Variants in SLCO6A1 observed in about 807,000 individuals in gnomAD.
SLCO6A1 encodes the protein solute carrier organic anion transporter family member 6A1, also known as cancer/testis antigen 48.
A neutral mutation model predicts 72.7 loss-of-function variants in SLCO6A1; 65 were observed. That is an observed-to-expected ratio of 0.89 (90% CI 0.73 to 1.10). SLCO6A1 has a LOEUF of 1.10. SLCO6A1 is among the 50% of genes least tolerant of loss of function. SLCO6A1 has a pLI of 0.00. For missense variants in SLCO6A1, 874 were observed against 872.6 expected (o/e 1.00, Z -0.02); for synonymous variants, 314 against 298.2 (o/e 1.05, Z -0.55).
intron 10 of SLCO6A1, among the ~76,000 whole-genome samples, chr5:102,397,873 CTG>C (rs902247406): frequency 2.0e-5 from 3 of 151,956 alleles, no homozygotes; most frequent in Non-Finnish European, 4.4e-5. Flanking sequence ...TAGTGTGTGT[CTG>C]TGTGTGTGTT....
intron 6 of SLCO6A1, among the ~76,000 whole-genome samples, chr5:102,453,802 C>T (rs1279329056): frequency 1.3e-5 from 2 of 152,286 alleles, no homozygotes; most frequent in Non-Finnish European, 2.9e-5. Context: ...AGGGGTTTTA[C>T]TTAAATATCT....
intron 6 of SLCO6A1, among the ~76,000 whole-genome samples, chr5:102,453,275 C>T (rs1242148628): frequency 6.6e-6 from 1 of 151,196 alleles, no homozygotes; most frequent in South Asian, 2.1e-4. Flanking sequence ...GAGACTGAGG[C>T]TGCAGTGAGC....
intron 6 of SLCO6A1, among the ~76,000 whole-genome samples, chr5:102,448,687 C>T (rs573872219): frequency 6.6e-6 from 1 of 152,280 alleles, no homozygotes; most frequent in African/African-American, 2.4e-5. Context: ...ATAAGAATAG[C>T]AATCCCTGCT....
chr5:102,407,509 C>T (rs1360766858), intron 9 of SLCO6A1, among the ~76,000 whole-genome samples: 1 of 152,144 alleles, frequency 6.6e-6, no homozygotes, highest in Non-Finnish European at 1.5e-5. Flanking sequence ...CGGGCTAAGC[C>T]CCAATATTGG....
At chr5:102,436,722 C>G (rs865936369) in intron 7 of SLCO6A1, among the ~76,000 whole-genome samples, 3 of 152,124 alleles carry the variant, frequency 2.0e-5, no homozygotes, top group Admixed American at 6.6e-5. Flanking sequence ...TTCAGAAACA[C>G]CTGCTGTTGT....
intron 12 of SLCO6A1, among the ~76,000 whole-genome samples, 176 bp downstream of exon 12, chr5:102,388,511 AT>A (rs1462128520): frequency 6.6e-6 from 1 of 151,790 alleles, no homozygotes; most frequent in African/African-American, 2.4e-5. Context: ...CTATTTTTTT[AT>A]TTTTTAAAAT....
At chr5:102,468,207 G>A (rs1009322938) in intron 4 of SLCO6A1, among the ~76,000 whole-genome samples, 10 of 151,958 alleles carry the variant, frequency 6.6e-5, no homozygotes, top group Non-Finnish European at 1.3e-4. Context: ...TACTTGATAT[G>A]CTTTCCATTG....
At chr5:102,473,537 CA>C (rs1178871947) in intron 4 of SLCO6A1, among the ~76,000 whole-genome samples, 2 of 151,866 alleles carry the variant, frequency 1.3e-5, no homozygotes, top group Non-Finnish European at 2.9e-5. Context: ...TGAAAACCAG[CA>C]AGTTTTCTAA....
intron 10 of SLCO6A1, among the ~76,000 whole-genome samples, chr5:102,395,386 C>T (rs1221562488): frequency 2.0e-5 from 3 of 152,112 alleles, no homozygotes; most frequent in Non-Finnish European, 2.9e-5. Flanking sequence ...TTTTTTATGG[C>T]TGCATAGTAT....
intron 7 of SLCO6A1, among the ~76,000 whole-genome samples, chr5:102,435,826 G>T (rs891506563): frequency 1.2e-4 from 18 of 149,756 alleles, no homozygotes; most frequent in African/African-American, 4.2e-4. Flanking sequence ...GGTGAGCCTA[G>T]ATTACATCAT....
At chr5:102,459,905 T>C (rs1750937402) in intron 4 of SLCO6A1, 128 bp from the exon 5 acceptor site, 1 of 713,004 alleles carries the variant, frequency 1.4e-6, no homozygotes, top group Non-Finnish European at 2.1e-6. Context: ...GAAATGGAAC[T>C]TTTTTTGTTA....
At chr5:102,452,514 T>C (rs1348995227) in intron 6 of SLCO6A1, among the ~76,000 whole-genome samples, 1 of 152,184 alleles carries the variant, frequency 6.6e-6, no homozygotes, top group Non-Finnish European at 1.5e-5. Flanking sequence ...ATATTATAAC[T>C]GCATAAAAAT....
intron 1 of SLCO6A1, among the ~76,000 whole-genome samples, chr5:102,490,145 G>A (rs1448948740): frequency 1.3e-5 from 2 of 152,130 alleles, no homozygotes; most frequent in African/African-American, 2.4e-5. Flanking sequence ...CAGTTAGATA[G>A]GAGATATCAA....
chr5:102,484,141 T>G (rs1318076927), intron 1 of SLCO6A1, among the ~76,000 whole-genome samples: 1 of 152,182 alleles, frequency 6.6e-6, no homozygotes, highest in Non-Finnish European at 1.5e-5. Context: ...AATAAGAACT[T>G]TATCCTAGGC....
chr5:102,376,762 T>C (rs1019891315), intron 12 of SLCO6A1, among the ~76,000 whole-genome samples: 3 of 152,222 alleles, frequency 2.0e-5, no homozygotes, highest in African/African-American at 7.2e-5. Flanking sequence ...ATAGAGCATC[T>C]GATAGGTCAT....
intron 10 of SLCO6A1, among the ~76,000 whole-genome samples, chr5:102,395,146 C>A (rs142400320): frequency 0.016 from 2,419 of 152,116 alleles, 62 homozygotes; most frequent in African/African-American, 0.055. Context: ...CCCATTAACT[C>A]GTCATTTAGC....
At chr5:102,452,425 T>C (rs1407846543) in intron 6 of SLCO6A1, among the ~76,000 whole-genome samples, 1 of 152,180 alleles carries the variant, frequency 6.6e-6, no homozygotes, top group African/African-American at 2.4e-5. Context: ...AGGTAGCTTT[T>C]TTCTTATCCT....
In SLCO6A1 at chr5:102,498,789, A is replaced by C; in HGVS notation, c.56T>G (p.Val19Gly). The C allele has an allele frequency of 6.2e-7, 1 of 1,613,548 alleles. No homozygotes were observed. Among genetic ancestry groups the C allele is most frequent in the Non-Finnish European group, 8.5e-7 (1 of 1,179,932 alleles). The change falls in exon 1 of 14, where the codon GTA (valine) becomes GGA (glycine). Residue 19 changes from valine (V) to glycine (G), a missense_variant. Physicochemically the swap from Val to Gly is moderately radical, Grantham distance 109. Coordinates refer to ENST00000506729, the MANE Select transcript of SLCO6A1 (RefSeq NM_173488.5). Reference sequence around the variant, plus strand: ...GGCCCGCGCGGCCTCCAGCGGCTCTACTCCCCTTGAGACTTCATCCTGGCT... The same window carrying C: ...GGCCCGCGCGGCCTCCAGCGGCTCTCCTCCCCTTGAGACTTCATCCTGGCT... ...SGSQDEVSRG[V>G]EPLEAARAQP...
At position 102,480,228 on chromosome 5, in the gene SLCO6A1, C is replaced by T; in HGVS notation, c.565G>A (p.Ala189Thr). The change falls in exon 2 of 14, where the codon GCT becomes ACT. Residue 189 changes from alanine (A) to threonine (T), a missense_variant. Transcript: ENST00000506729. ...TTTTCTTCATTAATGGATGGAAAAG[C>T]ACATAAAAGTGATCCAAGTCCTATT... ...FLIGLGSLLC[A>T]FPSINEENKQ... 2 of 1,612,252 alleles carry T rather than the reference C, an allele frequency of 1.2e-6. No homozygotes were observed. The highest frequency in any genetic ancestry group is 2.2e-5 in the South Asian group (2 of 90,826).
Sources: gnomAD v4.1 joint callset for allele counts (sites outside exome capture counted in the v4.1 genomes callset) on GRCh38, gnomAD v4.1.1 for gene constraint, MANE v1.5 for transcripts, NCBI Gene and HGNC (gene_info 2026-07-23, HGNC 2026-07-21) for gene names.